TMEM177: variants seen among roughly 807,000 people sequenced by gnomAD.
The protein encoded by TMEM177 is transmembrane protein 177.
A neutral mutation model predicts 14.2 loss-of-function variants in TMEM177; 4 were observed. The ratio of observed to expected loss-of-function variants is 0.28; its 90% CI spans 0.14 to 0.64. The LOEUF (loss-of-function observed/expected upper bound fraction) is 0.64, where lower values mean the gene tolerates loss of function less well. TMEM177 is among the 30% of genes least tolerant of loss of function. TMEM177 has a pLI of 0.82. For synonymous variants in TMEM177, 179 were observed against 174.5 expected (o/e 1.03, Z -0.20); for missense variants, 344 against 405.2 (o/e 0.85, Z 1.30).
At position 119,681,201 on chromosome 2, in the gene TMEM177, C is replaced by A; in HGVS notation, c.348C>A (p.Ile116=). The A allele has an allele frequency of 6.2e-7, 1 of 1,614,246 alleles. No individual in the cohort carries two copies. The highest frequency in any genetic ancestry group is 1.1e-5 in the South Asian group (1 of 91,082). ...IPASFLGDLV[I]NTNHPVVIHG... is the part of the protein sequence containing the mutation. ...CCAGTTTCTTGGGAGACCTAGTGAT[C>A]AACACTAACCATCCCGTGGTCATAC... Residue 116 remains isoleucine, a synonymous_variant, in exon 2 of 2, where the codon ATC becomes ATA. Transcript: ENST00000272521.
At chr2:119,715,906 G>T in the TMEM177 span, among the ~76,000 whole-genome samples, 16 of 152,178 alleles carry the variant, frequency 1.1e-4, no homozygotes, top group Non-Finnish European at 1.5e-5. Flanking sequence ...AGGCAACCCC[G>T]CGTCAGAGGG....
the TMEM177 span, among the ~76,000 whole-genome samples, chr2:119,691,775 G>GC: frequency 6.6e-6 from 1 of 152,226 alleles, no homozygotes; most frequent in Admixed American, 6.5e-5. Context: ...GGGAGAGGCT[G>GC]CTGCGGCAAG....
chr2:119,705,054 G>C, the TMEM177 span, among the ~76,000 whole-genome samples: 1 of 152,170 alleles, frequency 6.6e-6, no homozygotes, highest in Non-Finnish European at 1.5e-5. Flanking sequence ...GCACGTATTA[G>C]TGGCTCTTTT....
the TMEM177 span, among the ~76,000 whole-genome samples, chr2:119,710,978 A>T: frequency 2.0e-5 from 3 of 152,316 alleles, no homozygotes; most frequent in East Asian, 5.8e-4. Context: ...CTACGATCAA[A>T]TGCCCAGTGA....
chr2:119,705,923 A>G, the TMEM177 span, among the ~76,000 whole-genome samples: 1 of 150,228 alleles, frequency 6.7e-6, no homozygotes, highest in African/African-American at 2.4e-5. Context: ...CATGACATTC[A>G]GGAAATAATT....
chr2:119,684,372 G>A (rs754986632), downstream of TMEM177, among the ~76,000 whole-genome samples: 2 of 152,220 alleles, frequency 1.3e-5, no homozygotes, highest in Admixed American at 6.5e-5. Flanking sequence ...TCAGATGCCC[G>A]TTTATACACT....
downstream of TMEM177, among the ~76,000 whole-genome samples, chr2:119,685,428 C>T (rs1418628726): frequency 1.3e-5 from 2 of 152,078 alleles, no homozygotes; most frequent in East Asian, 3.9e-4. Context: ...CGCACACACA[C>T]ACACAAACCT....
chr2:119,685,907 A>C, downstream of TMEM177: 2 of 573,842 alleles, frequency 3.5e-6, no homozygotes, highest in East Asian at 5.8e-5. Context: ...AAAAATAGTC[A>C]CTGAGCAGAA....
chr2:119,713,481 C>T, the TMEM177 span, among the ~76,000 whole-genome samples: 1 of 152,012 alleles, frequency 6.6e-6, no homozygotes, highest in East Asian at 1.9e-4. Context: ...TGCATTGTAT[C>T]GTATTATATT....
rs1179329513 is a variant in TMEM177 at position 119,681,608 on chromosome 2, A to C, written c.755A>C (p.Lys252Thr). The C allele has an allele frequency of 3.7e-6, 6 of 1,614,124 alleles. No individual in the cohort carries two copies. The highest frequency in any genetic ancestry group is 1.7e-5 in the Admixed American group (1 of 59,998). ...YACGGVEFYE[K>T]LLSGNLALRS... ...TGTGGTGGAGTGGAGTTCTATGAGA[A>C]GCTTCTGTCGGGCAACCTGGCCCTG... is the stretch of plus-strand genomic sequence containing the variant. Residue 252 changes from lysine (K) to threonine (T), a missense_variant, in exon 2 of 2, where the codon AAG becomes ACG. By Grantham distance (78) the Lys-to-Thr change is moderately conservative. Coordinates refer to ENST00000272521, the MANE Select transcript of TMEM177 (RefSeq NM_030577.3).
the TMEM177 span, among the ~76,000 whole-genome samples, chr2:119,718,393 G>C: frequency 3.3e-5 from 5 of 152,186 alleles, no homozygotes; most frequent in Admixed American, 3.3e-4. Flanking sequence ...CTGGGGGTTT[G>C]TTTTCAATCT....
chr2:119,707,995 GTT>G, the TMEM177 span, among the ~76,000 whole-genome samples: 165 of 152,346 alleles, frequency 1.1e-3, 3 homozygotes, highest in East Asian at 0.024. Flanking sequence ...GCCTGCTGTG[GTT>G]TCTGTTTTGC....
At chr2:119,695,177 A>G in the TMEM177 span, among the ~76,000 whole-genome samples, 2 of 152,246 alleles carry the variant, frequency 1.3e-5, no homozygotes, top group East Asian at 3.8e-4. Context: ...TTGAAAGAGC[A>G]TAAGCTCAAC....
chr2:119,717,208 C>T, the TMEM177 span, among the ~76,000 whole-genome samples: 3 of 152,072 alleles, frequency 2.0e-5, no homozygotes, highest in African/African-American at 7.2e-5. Context: ...AATGAAAATG[C>T]AGGGCCCCTT....
downstream of TMEM177, among the ~76,000 whole-genome samples, chr2:119,689,754 C>T (rs758124506): frequency 6.6e-6 from 1 of 152,158 alleles, no homozygotes; most frequent in Admixed American, 6.5e-5. Flanking sequence ...AGGAATGAGA[C>T]AGTTTATGTA....
the TMEM177 span, among the ~76,000 whole-genome samples, chr2:119,696,133 CA>C: frequency 6.6e-6 from 1 of 152,314 alleles, no homozygotes; most frequent in East Asian, 1.9e-4. Context: ...GCCCAGGAGG[CA>C]TGCAGTGAAT....
downstream of TMEM177, among the ~76,000 whole-genome samples, chr2:119,683,187 G>A (rs373570057): frequency 6.6e-6 from 1 of 152,208 alleles, no homozygotes; most frequent in Non-Finnish European, 1.5e-5. Flanking sequence ...GCCCCTCACT[G>A]TGGGCTGGAG....
downstream of TMEM177, among the ~76,000 whole-genome samples, chr2:119,685,157 G>A (rs923549601): frequency 6.6e-6 from 1 of 151,262 alleles, no homozygotes. Flanking sequence ...ACAGACCCAG[G>A]ACTTGGCTGA....
downstream of TMEM177, among the ~76,000 whole-genome samples, chr2:119,690,346 CG>C (rs1249509702): frequency 4.9e-4 from 74 of 152,162 alleles, no homozygotes; most frequent in African/African-American, 1.6e-3. Context: ...CCCCAGAAGC[CG>C]TCATGCTTCC....
Sources: gnomAD v4.1 joint callset for allele counts (sites outside exome capture counted in the v4.1 genomes callset) on GRCh38, gnomAD v4.1.1 for gene constraint, MANE v1.5 for transcripts, NCBI Gene and HGNC (gene_info 2026-07-23, HGNC 2026-07-21) for gene names.